The following TTBK1 variants were observed in gnomAD, a reference collection of about 807,000 sequenced individuals.
The protein encoded by TTBK1 is tau-tubulin kinase 1.
TTBK1 carries 34 observed loss-of-function variants against 108.5 expected under a neutral mutation model. That is an observed-to-expected ratio of 0.31 (90% CI 0.24 to 0.42). The LOEUF is 0.42. TTBK1 is among the 10% of genes least tolerant of loss of function. The probability of loss-of-function intolerance (pLI) is 1.00; values close to 1 mark genes in which losing one functional copy is unlikely to be tolerated. For missense variants in TTBK1, 1,539 were observed against 1,826.0 expected (o/e 0.84, Z 2.86); for synonymous variants, 809 against 795.1 (o/e 1.02, Z -0.29).
rs773867895 is a variant in TTBK1 at position 43,283,433 on chromosome 6, C to T, written c.2693C>T (p.Pro898Leu). 3.7e-5 allele frequency: 60 copies of T among 1,613,198 alleles called. No individual in the cohort carries two copies. The highest frequency in any genetic ancestry group is 4.6e-5 in the Non-Finnish European group (54 of 1,179,682). Residue 898 changes from proline (P) to leucine (L), a missense_variant, in exon 14 of 15, where the codon CCG (proline) becomes CTG (leucine). By Grantham distance (98) the Pro-to-Leu change is moderately conservative. Around this residue, in one of 5 missense-constraint regions of TTBK1, gnomAD observed 1,055 missense variants for 1,086.5 expected, o/e 0.97. Transcript: ENST00000259750. The surrounding 1 kb of genome is among the most constrained non-coding windows in gnomAD (Gnocchi z 8.1). ...GTCCTCAAGTCTGAGCCCAAGCCCC[C>T]GGGGCCTGGGGCAGGGCTGGGGGCC... ...SSVLKSEPKP[P>L]GPGAGLGAGT...
Position 43,271,761 on chromosome 6 carries a change from CTATT to C in TTBK1, c.1986+8441_1986+8444del, listed in dbSNP as rs35217249. On this transcript the variant is annotated intron_variant, in intron 13 of 14. Transcript: ENST00000259750. ...TTCCCCAAAATCTTTCTTTGTAAGT[CTATT>C]TATTTATTTATTTATTTATTTATTT... 2.2e-3 allele frequency: 2,088 copies of C among 954,014 alleles called. 31 individuals carry two copies. In the African/African-American group the frequency reaches 0.033, roughly 15 times the overall value. The allele number at this position is 954,014 out of a possible 1,614,324, so 59.1% of individuals were successfully genotyped here.
rs1440586806 is a variant in TTBK1 at position 43,253,725 on chromosome 6, C to A, written c.471+17C>A. On this transcript the variant is annotated intron_variant, in intron 5 of 14. Transcript: ENST00000259750. The surrounding 1 kb of genome is among the most constrained non-coding windows in gnomAD (Gnocchi z 5.8). ...ATCAAGCCTGTGAGTACTGCCCCCA[C>A]ACGCCTCTCTGTTCCCTCCTCCAGA... 6.2e-7 allele frequency: 1 copy of A among 1,605,900 alleles called. No individual in the cohort carries two copies. Among genetic ancestry groups the A allele is most frequent in the Non-Finnish European group, 8.5e-7 (1 of 1,175,626 alleles).
chr6:43,277,399 G>T (rs1481960439), intron 13 of TTBK1, among the ~76,000 whole-genome samples: 1 of 152,046 alleles, frequency 6.6e-6, no homozygotes, highest in African/African-American at 2.4e-5. Context: ...AGGTGAGGAG[G>T]ACAATGTAAA....
intron 1 of TTBK1, among the ~76,000 whole-genome samples, chr6:43,244,476 G>A (rs900395368): frequency 6.6e-6 from 1 of 152,062 alleles, no homozygotes; most frequent in African/African-American, 2.4e-5. Flanking sequence ...ATAAGCCCTC[G>A]CCTTCACCAT....
Position 43,282,987 on chromosome 6 carries a change from GGAA to G in TTBK1, c.2256_2258del (p.Glu771del), listed in dbSNP as rs113160341. ...ATGAGGAAGAGGAAGAAGAGGATGA[GGAA>G]GAAGAAGAGGAGGAAGAGGAAGAGG... On this transcript the variant is annotated inframe_deletion, in exon 14 of 15. Coordinates refer to ENST00000259750, the MANE Select transcript of TTBK1 (RefSeq NM_032538.3). The surrounding 1 kb of genome is among the most constrained non-coding windows in gnomAD (Gnocchi z 5.4). 309,241 of 1,608,164 alleles carry G rather than the reference GGAA, an allele frequency of 0.19. 30,442 individuals carry two copies. The highest frequency in any genetic ancestry group is 0.29 in the African/African-American group (21,573 of 74,536).
intron 1 of TTBK1, among the ~76,000 whole-genome samples, chr6:43,245,045 C>T (rs931414601): frequency 2.0e-5 from 3 of 152,090 alleles, no homozygotes; most frequent in Admixed American, 2.0e-4. Flanking sequence ...TGGCAGCGTC[C>T]CTCCCCATGA....
At position 43,246,167 on chromosome 6, in the gene TTBK1, T is replaced by G. The variant is rs952658770; in HGVS notation, c.-54-440T>G. Among the ~76,000 whole-genome samples the G allele has an allele frequency of 2.6e-5, 4 of 152,146 alleles. 1 individual carries two copies. The South Asian group carries it at 6.2e-4, about 24-fold the overall frequency. ...GGTGTCCCATGGGTCACCCCTTGGG[T>G]AGCAGGTCTTCCCTTTTCACTAAGC... On this transcript the variant is annotated intron_variant, in intron 1 of 14. Transcript: ENST00000259750.
intron 13 of TTBK1, chr6:43,270,414 G>GGTGTGTGTGTGTGTGTGTGTGT (rs3078973): frequency 1.3e-6 from 1 of 797,294 alleles, no homozygotes; most frequent in Non-Finnish European, 1.5e-6. Flanking sequence ...CTCCTTGCAT[G>GGTGTGTGTGTGTGTGTGTGTGT]GTGTGTGTGT....
At chr6:43,252,967 G>C (rs1777284555) in intron 3 of TTBK1, 81 bp downstream of exon 3, 1 of 1,527,006 alleles carries the variant, frequency 6.5e-7, no homozygotes, top group Non-Finnish European at 8.9e-7. Context: ...CAGAAGCTGG[G>C]GTGAGGGAGG....
Position 43,285,174 on chromosome 6 carries a change from C to G in TTBK1, c.3764C>G (p.Ser1255Cys), listed in dbSNP as rs950808992. Residue 1255 changes from serine (S) to cysteine (C), a missense_variant, in exon 15 of 15, where the codon TCC becomes TGC. Around this residue, in one of 5 missense-constraint regions of TTBK1, gnomAD observed 1,055 missense variants for 1,086.5 expected, o/e 0.97. Transcript: ENST00000259750. This position sits in a 1 kb window ranked among gnomAD's most constrained non-coding sequence, Gnocchi z 4.7. Reference protein sequence around the residue: ...ASASPRSQSLSRRESPSPSHQ... With the variant: ...ASASPRSQSLCRRESPSPSHQ... ...GCGTCCCCCCGGAGCCAGTCCCTGTCCCGCAGAGAGAGCCCCTCCCCCTCG... is the reference window on the plus strand; with the variant it reads ...GCGTCCCCCCGGAGCCAGTCCCTGTGCCGCAGAGAGAGCCCCTCCCCCTCG... 2.9e-6 allele frequency: 4 copies of G among 1,385,876 alleles called. No individual in the cohort carries two copies. Among genetic ancestry groups the G allele is most frequent in the Non-Finnish European group, 3.7e-6 (4 of 1,077,398 alleles). The allele number at this position is 1,385,876 out of a possible 1,614,324, so 85.8% of individuals were successfully genotyped here. A position where few individuals can be genotyped will look rare whatever the true frequency, so the allele number is the denominator to read the frequency against.
At chr6:43,258,419 G>A (rs1279901535) in intron 10 of TTBK1, among the ~76,000 whole-genome samples, 7 of 152,082 alleles carry the variant, frequency 4.6e-5, no homozygotes, top group Admixed American at 4.6e-4. Flanking sequence ...GGAGGAGCTG[G>A]AGTTAGAAGG....
Position 43,262,979 on chromosome 6 carries a change from G to C in TTBK1, c.1615G>C (p.Asp539His). ...SVPLAEEEDFDSKEWVIIDKE... is the reference protein window; with the variant it reads ...SVPLAEEEDFHSKEWVIIDKE... Reference sequence around the variant, plus strand: ...GCCGCTGGCTGAGGAGGAGGATTTCGACAGCAAAGAGTGGGTCATCATCGA... The same window carrying C: ...GCCGCTGGCTGAGGAGGAGGATTTCCACAGCAAAGAGTGGGTCATCATCGA... Residue 539 changes from aspartate to histidine, a missense_variant, in exon 13 of 15, where the codon GAC becomes CAC. Asp to His is a moderately conservative substitution (Grantham distance 81). Around this residue, in one of 5 missense-constraint regions of TTBK1, gnomAD observed 7 missense variants for 20.7 expected, o/e 0.34. Transcript: ENST00000259750. The C allele has an allele frequency of 6.2e-7, 1 of 1,613,056 alleles. No individual in the cohort carries two copies. Among genetic ancestry groups the C allele is most frequent in the Non-Finnish European group, 8.5e-7 (1 of 1,179,574 alleles).
At position 43,284,142 on chromosome 6, in the gene TTBK1, C is replaced by A; in HGVS notation, c.3402C>A (p.Pro1134=). Residue 1134 remains proline, a synonymous_variant, in exon 14 of 15, where the codon CCC becomes CCA. Coordinates refer to ENST00000259750, the MANE Select transcript of TTBK1 (RefSeq NM_032538.3). ...LSGTGSEEDT[P]ASEPAAALPR... ...GCACGGGCTCTGAGGAGGACACGCC[C>A]GCCTCTGAGCCGGCAGCGGCCTTGC... is the stretch of plus-strand genomic sequence containing the variant. 4 of 1,543,704 alleles carry A rather than the reference C, an allele frequency of 2.6e-6. No individual in the cohort carries two copies. The highest frequency in any genetic ancestry group is 3.5e-6 in the Non-Finnish European group (4 of 1,150,858).
chr6:43,259,975 C>T lies in TTBK1; in HGVS notation c.1424+269C>T, dbSNP rs1777494221. The stretch of plus-strand genomic sequence containing the variant: ...GGAGGGACAGGTGGGGCGCCTGGGC[C>T]CAGGAAGGGTGAGGGGCGAGTTGGT... On this transcript the variant is annotated intron_variant, in intron 12 of 14. Coordinates refer to ENST00000259750, the MANE Select transcript of TTBK1 (RefSeq NM_032538.3). This position sits in a 1 kb window ranked among gnomAD's most constrained non-coding sequence, Gnocchi z 6.7. Among the ~76,000 whole-genome samples, 2 of 152,116 alleles carry T rather than the reference C, an allele frequency of 1.3e-5. No individual in the cohort carries two copies. Among genetic ancestry groups the T allele is most frequent in the Admixed American group, 6.5e-5 (1 of 15,272 alleles).
At chr6:43,270,247 A>G (rs1316632956) in intron 13 of TTBK1, 3 of 1,219,428 alleles carry the variant, frequency 2.5e-6, no homozygotes, top group Non-Finnish European at 3.1e-6. Flanking sequence ...AGCTGGAGCC[A>G]CTGATGGGTC....
chr6:43,285,006 G>C lies in TTBK1; in HGVS notation c.3596G>C (p.Gly1199Ala). ...TSRLQLQTPP[G>A]SATAADLRPK... ...AGGCTCCAGCTGCAGACGCCCCCAGGGTCGGCCACTGCTGCTGACCTCCGC... is the reference window on the plus strand; with the variant it reads ...AGGCTCCAGCTGCAGACGCCCCCAGCGTCGGCCACTGCTGCTGACCTCCGC... The change falls in exon 15 of 15, where the codon GGG becomes GCG. Residue 1199 changes from glycine (G) to alanine (A), a missense_variant. By Grantham distance (60) the Gly-to-Ala change is moderately conservative. This residue lies in a region of TTBK1 where 1,055 missense variants were observed against 1,086.5 expected (regional missense o/e 0.97). Coordinates refer to ENST00000259750, the MANE Select transcript of TTBK1 (RefSeq NM_032538.3). The surrounding 1 kb of genome is among the most constrained non-coding windows in gnomAD (Gnocchi z 4.7). 6.6e-7 allele frequency: 1 copy of C among 1,517,220 alleles called. No homozygotes were observed. Among genetic ancestry groups the C allele is most frequent in the Non-Finnish European group, 8.8e-7 (1 of 1,138,222 alleles). 94.0% of individuals were successfully genotyped at this position (1,517,220 alleles called of 1,614,324 possible). A position where few individuals can be genotyped will look rare whatever the true frequency, so the allele number is the denominator to read the frequency against.
chr6:43,259,018 C>T lies in TTBK1; in HGVS notation c.1017-20C>T. 6.3e-7 allele frequency: 1 copy of T among 1,588,220 alleles called. No homozygotes were observed. Among genetic ancestry groups the T allele is most frequent in the South Asian group, 1.1e-5 (1 of 87,744 alleles). On this transcript the variant is annotated intron_variant, in intron 10 of 14. Transcript: ENST00000259750. This position sits in a 1 kb window ranked among gnomAD's most constrained non-coding sequence, Gnocchi z 6.7. ...GCACCCCTGCCAGCCTTGCCCATGG[C>T]TCCCTCCTGCCCTCTCCAGGGTGGT...
chr6:43,252,673 C>T, intron 2 of TTBK1, 66 bp from the exon 3 acceptor site: 1 of 1,569,722 alleles, frequency 6.4e-7, no homozygotes, highest in Non-Finnish European at 8.7e-7. Context: ...TGCAACCAAG[C>T]AGCAGGTGGG....
Position 43,259,816 on chromosome 6 carries a change from G to C in TTBK1, c.1424+110G>C. Reference sequence around the variant, plus strand: ...GGCGGAGGTGGGCAGACCCTGGGAAGTGCTGAGAGGGTTATACTTGGGCCT... The same window carrying C: ...GGCGGAGGTGGGCAGACCCTGGGAACTGCTGAGAGGGTTATACTTGGGCCT... On this transcript the variant is annotated intron_variant, in intron 12 of 14. Coordinates refer to ENST00000259750, the MANE Select transcript of TTBK1 (RefSeq NM_032538.3). This position sits in a 1 kb window ranked among gnomAD's most constrained non-coding sequence, Gnocchi z 6.7. 1.7e-6 allele frequency: 2 copies of C among 1,176,230 alleles called. No individual in the cohort carries two copies. The highest frequency in any genetic ancestry group is 2.3e-6 in the Non-Finnish European group (2 of 855,838). 72.9% of individuals were successfully genotyped at this position (1,176,230 alleles called of 1,614,324 possible).
Sources: allele counts gnomAD v4.1 joint callset (sites outside exome capture counted in the v4.1 genomes callset), GRCh38; gene constraint gnomAD v4.1.1; regional missense constraint gnomAD v4.1.1; non-coding constraint Gnocchi (gnomAD v3.1); transcripts MANE v1.5; gene names NCBI Gene and HGNC (gene_info 2026-07-23, HGNC 2026-07-21).